Variants in NOL4 observed in about 807,000 individuals in gnomAD.
NOL4 encodes cancer/testis antigen 125.
NOL4 carries 17 observed loss-of-function variants against 75.9 expected under a neutral mutation model. That is an observed-to-expected ratio of 0.22 (90% confidence interval 0.15 to 0.34). NOL4 has a LOEUF of 0.34. Ranked by LOEUF, NOL4 falls within the 10% of genes least tolerant of loss-of-function variation. The pLI, the probability that NOL4 is intolerant of heterozygous loss-of-function variation, is 1.00. For missense variants in NOL4, 614 were observed against 793.5 expected, an observed-to-expected ratio of 0.77 and a Z score of 2.72; for synonymous variants, 292 against 289.9, an observed-to-expected ratio of 1.01 and a Z score of -0.07.
intron 6 of NOL4, among the ~76,000 whole-genome samples, chr18:33,987,650 G>A (rs546029287): frequency 6.6e-6 from 1 of 152,082 alleles, no homozygotes; most frequent in Non-Finnish European, 1.5e-5. Flanking sequence ...TTTTATAAAT[G>A]AATTATATGA....
chr18:33,899,441 C>G (rs888830755), intron 9 of NOL4, among the ~76,000 whole-genome samples: 5 of 152,120 alleles, frequency 3.3e-5, no homozygotes, highest in Non-Finnish European at 5.9e-5. Flanking sequence ...TGTCATGCAG[C>G]AAGCAGAAAT....
At chr18:33,917,417 G>A (rs1298935755) in intron 9 of NOL4, among the ~76,000 whole-genome samples, 1 of 152,120 alleles carries the variant, frequency 6.6e-6, no homozygotes, top group Non-Finnish European at 1.5e-5. Context: ...TTTTTGAGTA[G>A]TGTAAAATGC....
Position 34,072,022 on chromosome 18 carries a change from G to A in NOL4, c.772+21443C>T, listed in dbSNP as rs538956237. ...CTGAGGCCTGCAGATCATGAGGTCAGGAGTTCGAGACCAGCCTGACCAAGA... is the reference window on the plus strand; with the variant it reads ...CTGAGGCCTGCAGATCATGAGGTCAAGAGTTCGAGACCAGCCTGACCAAGA... On this transcript the variant is annotated intron_variant, in intron 5 of 10. Coordinates refer to ENST00000261592, the MANE Select transcript of NOL4 (RefSeq NM_003787.5). 7.6e-4 allele frequency among the ~76,000 whole-genome samples: 115 copies of A among 152,158 alleles called. 1 individual carries two copies. The highest frequency in any genetic ancestry group is 3.3e-3 in the Admixed American group (51 of 15,274).
chr18:34,215,218 G>A (rs945295300), intron 1 of NOL4, among the ~76,000 whole-genome samples: 1 of 152,134 alleles, frequency 6.6e-6, no homozygotes, highest in East Asian at 1.9e-4. Flanking sequence ...TGGACAGATA[G>A]ATATAGATGT....
At chr18:34,112,604 C>T (rs977665478) in intron 2 of NOL4, among the ~76,000 whole-genome samples, 5 of 151,942 alleles carry the variant, frequency 3.3e-5, no homozygotes, top group Non-Finnish European at 7.4e-5. Flanking sequence ...ATAAGCCTGA[C>T]ACAGAAAGAC....
chr18:33,958,966 T>C (rs1211173050), intron 6 of NOL4, among the ~76,000 whole-genome samples: 1 of 152,150 alleles, frequency 6.6e-6, no homozygotes, highest in Non-Finnish European at 1.5e-5. Flanking sequence ...TATTGACTAT[T>C]AGTTATTAGT....
intron 1 of NOL4, among the ~76,000 whole-genome samples, chr18:34,213,005 G>C (rs1210161445): frequency 1.3e-5 from 2 of 152,094 alleles, no homozygotes; most frequent in Non-Finnish European, 2.9e-5. Context: ...AACTATGAGA[G>C]TTATGGGGCT....
At chr18:33,981,284 T>A (rs2071936237) in intron 6 of NOL4, among the ~76,000 whole-genome samples, 1 of 133,522 alleles carries the variant, frequency 7.5e-6, no homozygotes. Context: ...TTTGAAGCAA[T>A]GACTGAAATT....
intron 10 of NOL4, among the ~76,000 whole-genome samples, chr18:33,874,482 G>C (rs531847191): frequency 6.6e-6 from 1 of 152,044 alleles, no homozygotes; most frequent in Non-Finnish European, 1.5e-5. Flanking sequence ...TTTGGATACA[G>C]TGAAGATCCC....
chr18:34,205,934 C>T (rs1453859661), intron 1 of NOL4, among the ~76,000 whole-genome samples: 1 of 152,124 alleles, frequency 6.6e-6, no homozygotes, highest in African/African-American at 2.4e-5. Context: ...TAGGCAGAAG[C>T]TTAAATTATT....
At chr18:33,937,706 A>C (rs1484722871) in intron 9 of NOL4, among the ~76,000 whole-genome samples, 1 of 152,138 alleles carries the variant, frequency 6.6e-6, no homozygotes, top group Admixed American at 6.6e-5. Flanking sequence ...GGTAGGAAGT[A>C]GAATCACTTG....
At chr18:33,929,973 T>C (rs1485051604) in intron 9 of NOL4, among the ~76,000 whole-genome samples, 1 of 152,088 alleles carries the variant, frequency 6.6e-6, no homozygotes, top group Non-Finnish European at 1.5e-5. Context: ...AAGCTAGTAC[T>C]GAAAGAATAC....
chr18:34,033,348 A>G (rs2144687363), intron 5 of NOL4, among the ~76,000 whole-genome samples: 1 of 152,254 alleles, frequency 6.6e-6, no homozygotes, highest in East Asian at 1.9e-4. Flanking sequence ...TTTAACAGAT[A>G]GATATTATTT....
At chr18:33,862,850 G>A (rs1331192026) in intron 10 of NOL4, among the ~76,000 whole-genome samples, 1 of 152,196 alleles carries the variant, frequency 6.6e-6, no homozygotes, top group East Asian at 1.9e-4. Flanking sequence ...AACCATTGTG[G>A]AAGTCAGTGT....
intron 6 of NOL4, among the ~76,000 whole-genome samples, chr18:33,984,750 T>C (rs75150462): frequency 1.6e-3 from 245 of 152,218 alleles, no homozygotes; most frequent in African/African-American, 5.3e-3. Flanking sequence ...ATTAACCCAG[T>C]CTCAGGTAAT....
rs2064444627 is a variant in NOL4, at chr18:33,883,548, G to A, written c.1543-124C>T. ...AGAAAAAATATATAGTGAATGTTAAGTAAGCACAGATGCACATTTTCAACA... is the reference window on the plus strand; with the variant it reads ...AGAAAAAATATATAGTGAATGTTAAATAAGCACAGATGCACATTTTCAACA... On this transcript the variant is annotated intron_variant, in intron 9 of 10. Transcript: ENST00000261592. The A allele has an allele frequency of 3.4e-5, 21 of 622,972 alleles. 1 individual carries two copies. In the South Asian group the frequency reaches 9.0e-4, roughly 27 times the overall value. The allele number at this position is 622,972 out of a possible 1,614,324, so 38.6% of individuals were successfully genotyped here.
intron 1 of NOL4, among the ~76,000 whole-genome samples, chr18:34,187,935 A>T (rs1190421489): frequency 6.6e-6 from 1 of 152,150 alleles, no homozygotes; most frequent in Non-Finnish European, 1.5e-5. Flanking sequence ...TTGCGTTTCC[A>T]CCACCATGAA....
At chr18:34,132,968 C>A (rs1307316513) in intron 1 of NOL4, among the ~76,000 whole-genome samples, 5 of 152,026 alleles carry the variant, frequency 3.3e-5, no homozygotes, top group African/African-American at 1.2e-4. Flanking sequence ...AGAAACCTAT[C>A]TTTCAAAAAT....
chr18:34,094,379 C>A (rs912453979), intron 4 of NOL4, among the ~76,000 whole-genome samples: 1 of 152,086 alleles, frequency 6.6e-6, no homozygotes, highest in Non-Finnish European at 1.5e-5. Context: ...TCTTTCTTTA[C>A]AAGCAAATAT....
Sources: allele counts gnomAD v4.1 joint callset (sites outside exome capture counted in the v4.1 genomes callset), GRCh38; gene constraint gnomAD v4.1.1; transcripts MANE v1.5; gene names NCBI Gene and HGNC (gene_info 2026-07-23, HGNC 2026-07-21).